The following RRAGD variants were observed in gnomAD, a reference collection of about 807,000 sequenced individuals.
RRAGD encodes ras-related GTP-binding protein D.
A neutral mutation model predicts 35.5 loss-of-function variants in RRAGD; 12 were observed. The observed-to-expected ratio is 0.34, with a 90% CI of 0.22 to 0.55. RRAGD has a LOEUF of 0.55. Ranked by LOEUF, RRAGD falls within the 20% of genes least tolerant of loss-of-function variation. The pLI is 0.91. For missense variants in RRAGD, 324 were observed against 490.1 expected, an observed-to-expected ratio of 0.66 and a Z score of 3.20; for synonymous variants, 155 against 178.9, an observed-to-expected ratio of 0.87 and a Z score of 1.07.
In RRAGD at chr6:89,380,066, A is replaced by C; in HGVS notation, c.644+102T>G. On this transcript the variant is annotated intron_variant, in intron 3 of 6. Transcript: ENST00000369415. ...TACAGCATGAAACAGGGTAAAAAGA[A>C]GGTAAATTACTGCCCATGCCAAGCC... 4 of 957,226 alleles carry C rather than the reference A, an allele frequency of 4.2e-6. No individual in the cohort carries two copies. The South Asian group carries it at 5.8e-5, about 14-fold the overall frequency. The allele number at this position is 957,226 out of a possible 1,614,324, so 59.3% of individuals were successfully genotyped here.
chr6:89,368,243 G>A lies in RRAGD; in HGVS notation c.1052-36C>T, dbSNP rs751992199. 2.7e-5 allele frequency: 43 copies of A among 1,589,832 alleles called. 1 individual carries two copies. The highest frequency in any genetic ancestry group is 3.2e-5 in the Non-Finnish European group (37 of 1,164,820). On this transcript the variant is annotated intron_variant, in intron 6 of 6. Coordinates refer to ENST00000369415, the MANE Select transcript of RRAGD (RefSeq NM_021244.5). ...GAACAAAAATATTTATAAATGTCAC[G>A]TAGAAATAATCTCCATCTTTTCATG...
At chr6:89,368,419 T>G (rs1768795062) in intron 6 of RRAGD, among the ~76,000 whole-genome samples, 1 of 152,218 alleles carries the variant, frequency 6.6e-6, no homozygotes, top group South Asian at 2.1e-4. Context: ...GGAAGATTTT[T>G]CCTGATGCAA....
chr6:89,397,674 C>T lies in RRAGD; in HGVS notation c.149-10084G>A, dbSNP rs6938707. Among the ~76,000 whole-genome samples the T allele has an allele frequency of 8.1e-3, 1,224 of 151,356 alleles. 18 individuals carry two copies. The highest frequency in any genetic ancestry group is 0.027 in the African/African-American group (1,099 of 41,308). On this transcript the variant is annotated intron_variant, in intron 1 of 6. Transcript: ENST00000369415. ...AAGTCCACTAGCAGTTGACTAGATA[C>T]ACAAATTGTGATGCATCTCAGCAAT...
At chr6:89,401,789 C>A (rs1487752412) in intron 1 of RRAGD, among the ~76,000 whole-genome samples, 1 of 152,150 alleles carries the variant, frequency 6.6e-6, no homozygotes, top group Non-Finnish European at 1.5e-5. Context: ...TGGGCCATAA[C>A]CCTGGGCCTT....
At chr6:89,380,929 A>G (rs1582509085) in intron 2 of RRAGD, among the ~76,000 whole-genome samples, 1 of 138,868 alleles carries the variant, frequency 7.2e-6, no homozygotes, top group Non-Finnish European at 1.6e-5. Context: ...AAAAAAAAAG[A>G]TCAGAGTTGC....
Position 89,368,079 on chromosome 6 carries a change from C to CA in RRAGD, c.1179dup (p.Gly394TrpfsTer4), listed in dbSNP as rs758672300. ...ACCTACAGCAGCACTCTAGGGGTCC[C>CA]ATTAGGGGTGGCTCTCTTTTTCTTC... On this transcript the variant is annotated frameshift_variant, in exon 7 of 7. Transcript: ENST00000369415. LOFTEE classifies it high-confidence loss of function. The CA allele has an allele frequency of 6.2e-7, 1 of 1,613,748 alleles. No individual in the cohort carries two copies. Among genetic ancestry groups the CA allele is most frequent in the Non-Finnish European group, 8.5e-7 (1 of 1,179,866 alleles).
In RRAGD at chr6:89,411,975, TC is replaced by T. The variant is rs1769710549; in HGVS notation, c.18del (p.Lys7SerfsTer22). 6.5e-7 allele frequency: 1 copy of T among 1,535,154 alleles called. No individual in the cohort carries two copies. MSQVL[G>X]KPQPQDEDDA... ...TCGTCCTCGTCCTGCGGCTGCGGCTTCCCCAGCACCTGGCTCATCGTGCCCA... is the reference window on the plus strand; with the variant it reads ...TCGTCCTCGTCCTGCGGCTGCGGCTTCCCAGCACCTGGCTCATCGTGCCCA... On this transcript the variant is annotated frameshift_variant, in exon 1 of 7. Coordinates refer to ENST00000369415, the MANE Select transcript of RRAGD (RefSeq NM_021244.5). LOFTEE classifies it high-confidence loss of function. This position sits in a 1 kb window ranked among gnomAD's most constrained non-coding sequence, Gnocchi z 5.6.
Position 89,379,253 on chromosome 6 carries a change from G to A in RRAGD, c.730C>T (p.Leu244=). The A allele has an allele frequency of 3.8e-6, 6 of 1,597,822 alleles. No homozygotes were observed. Among genetic ancestry groups the A allele is most frequent in the Non-Finnish European group, 5.1e-6 (6 of 1,168,364 alleles). ...ATAAAGATGTTCAGCAAATTCTCCAGAGTTGGGAGTTGTGGAATCAGTTTC... is the reference window on the plus strand; with the variant it reads ...ATAAAGATGTTCAGCAAATTCTCCAAAGTTGGGAGTTGTGGAATCAGTTTC... ...VQKLIPQLPT[L]ENLLNIFISN... Residue 244 remains leucine (L), a synonymous_variant, in exon 4 of 7, where the codon CTG becomes TTG. Transcript: ENST00000369415.
intron 1 of RRAGD, among the ~76,000 whole-genome samples, chr6:89,408,996 A>C (rs1223680550): frequency 6.6e-6 from 1 of 152,110 alleles, no homozygotes; most frequent in Non-Finnish European, 1.5e-5. Context: ...GAGGTGCCCA[A>C]ATCTGCCCTA....
At chr6:89,401,262 A>AT (rs71556519) in intron 1 of RRAGD, among the ~76,000 whole-genome samples, 23,733 of 139,346 alleles carry the variant, frequency 0.17, 2,072 homozygotes, top group East Asian at 0.46. Context: ...CCCACAATAT[A>AT]TTTTTTTTTT....
At chr6:89,386,880 T>C (rs1769144906) in intron 2 of RRAGD, among the ~76,000 whole-genome samples, 1 of 152,232 alleles carries the variant, frequency 6.6e-6, no homozygotes, top group South Asian at 2.1e-4. Flanking sequence ...ATTATAATAA[T>C]TTATTTCAGA....
intron 1 of RRAGD, among the ~76,000 whole-genome samples, chr6:89,399,642 T>C (rs1325613101): frequency 6.6e-6 from 1 of 152,018 alleles, no homozygotes. Context: ...TAGCAAGTTG[T>C]AGTGGCTCGT....
chr6:89,403,651 G>A (rs1360963346), intron 1 of RRAGD, among the ~76,000 whole-genome samples: 1 of 136,266 alleles, frequency 7.3e-6, no homozygotes, highest in Non-Finnish European at 1.5e-5. Flanking sequence ...TTTTTTGAGA[G>A]AGAGGGTCTC....
intron 4 of RRAGD, among the ~76,000 whole-genome samples, chr6:89,378,849 C>A (rs1234251809): frequency 6.7e-6 from 1 of 150,110 alleles, no homozygotes. Context: ...CCTCAAACTC[C>A]TGGGCTCAAG....
chr6:89,373,621 A>G (rs79090944), intron 5 of RRAGD, among the ~76,000 whole-genome samples: 1 of 151,234 alleles, frequency 6.6e-6, no homozygotes, highest in Non-Finnish European at 1.5e-5. Context: ...CCGTCTCAAA[A>G]AAAAAAAAAA....
At chr6:89,408,321 G>A (rs1217923723) in intron 1 of RRAGD, among the ~76,000 whole-genome samples, 1 of 152,046 alleles carries the variant, frequency 6.6e-6, no homozygotes, top group African/African-American at 2.4e-5. Context: ...TACTTCCAAG[G>A]AACAATGAAA....
chr6:89,401,594 TC>T (rs1285659613), intron 1 of RRAGD, among the ~76,000 whole-genome samples: 1 of 151,256 alleles, frequency 6.6e-6, no homozygotes, highest in Non-Finnish European at 1.5e-5. Flanking sequence ...TGCCTTCTTT[TC>T]CCCCTCACCC....
rs2127901344 is a variant in RRAGD, at chr6:89,412,104, C to T, written c.-111G>A. ...CTGAAGCGGAGGTTTGTCTAGAGCT[C>T]AGCGGGGCCCGGCGGAAGCGGGGGC... On this transcript the variant is annotated 5_prime_UTR_variant, in exon 1 of 7. Transcript: ENST00000369415. This position sits in a 1 kb window ranked among gnomAD's most constrained non-coding sequence, Gnocchi z 4.2. The T allele has an allele frequency of 1.9e-6, 2 of 1,058,902 alleles. No homozygotes were observed. The highest frequency in any genetic ancestry group is 5.6e-5 in the South Asian group (2 of 35,544). 65.6% of individuals were successfully genotyped at this position (1,058,902 alleles called of 1,614,324 possible). A position where few individuals can be genotyped will look rare whatever the true frequency, so the allele number is the denominator to read the frequency against.
At chr6:89,377,563 T>C (rs1343461935) in intron 5 of RRAGD, 108 bp downstream of exon 5, 3 of 1,046,818 alleles carry the variant, frequency 2.9e-6, no homozygotes, top group African/African-American at 1.6e-5. Context: ...ATTTCAGTCA[T>C]TTAAGACAAA....
Sources: allele counts gnomAD v4.1 joint callset (sites outside exome capture counted in the v4.1 genomes callset), GRCh38; gene constraint gnomAD v4.1.1; non-coding constraint Gnocchi (gnomAD v3.1); transcripts MANE v1.5; gene names NCBI Gene and HGNC (gene_info 2026-07-23, HGNC 2026-07-21).